PACS1: variants seen among roughly 807,000 people sequenced by gnomAD.
PACS1 encodes the protein phosphofurin acidic cluster sorting protein 1.
A neutral mutation model predicts 115.0 loss-of-function variants in PACS1; 24 were observed. The ratio of observed to expected loss-of-function variants is 0.21; its 90% CI spans 0.15 to 0.29. The LOEUF (loss-of-function observed/expected upper bound fraction) is 0.29, where lower values mean the gene tolerates loss of function less well. Ranked by LOEUF, PACS1 falls within the 10% of genes least tolerant of loss-of-function variation. The pLI, the probability that PACS1 is intolerant of heterozygous loss-of-function variation, is 1.00. For synonymous variants in PACS1, 453 were observed against 504.5 expected (o/e 0.90, Z 1.37); for missense variants, 838 against 1,251.2 (o/e 0.67, Z 4.98).
rs550945126 is a variant in PACS1, at chr11:66,201,837, T to C, written c.444+8264T>C. Among the ~76,000 whole-genome samples the C allele has an allele frequency of 3.4e-3, 514 of 152,132 alleles. 4 individuals carry two copies. The highest frequency in any genetic ancestry group is 0.011 in the African/African-American group (464 of 41,512). ...ACCATCGCGGCTAATTTTTGTATTT[T>C]TAGTAGAGACGAGGTTTCACCTTAT... On this transcript the variant is annotated intron_variant, in intron 2 of 23. Transcript: ENST00000320580.
chr11:66,108,031 T>A lies in PACS1; in HGVS notation c.356+37189T>A, dbSNP rs1858091241. Among the ~76,000 whole-genome samples the A allele has an allele frequency of 2.6e-5, 4 of 152,204 alleles. No individual in the cohort carries two copies. In the South Asian group the frequency reaches 8.3e-4, roughly 31 times the overall value. On this transcript the variant is annotated intron_variant, in intron 1 of 23. Coordinates refer to ENST00000320580, the MANE Select transcript of PACS1 (RefSeq NM_018026.4). ...GCTCCCTTTTGTACATCATGACAGC[T>A]GCCAACAAGGCCAAGAGAACCCAGC...
intron 1 of PACS1, among the ~76,000 whole-genome samples, chr11:66,125,791 G>A (rs997226719): frequency 7.9e-5 from 12 of 152,188 alleles, no homozygotes; most frequent in Non-Finnish European, 5.9e-5. Context: ...TGTAATCCCA[G>A]CACTTTGGGA....
At chr11:66,100,976 C>T in intron 1 of PACS1, 2 of 452,176 alleles carry the variant, frequency 4.4e-6, no homozygotes, top group Non-Finnish European at 8.9e-6. Flanking sequence ...CACATGGCCT[C>T]ATTTCTACTG....
chr11:66,167,872 C>T (rs1435752047), intron 1 of PACS1, among the ~76,000 whole-genome samples: 2 of 150,154 alleles, frequency 1.3e-5, no homozygotes, highest in African/African-American at 5.1e-5. Context: ...TCACTAATAC[C>T]ATAGTGCTTC....
intron 1 of PACS1, among the ~76,000 whole-genome samples, chr11:66,184,425 A>G (rs1190120013): frequency 2.0e-5 from 3 of 151,994 alleles, no homozygotes; most frequent in Non-Finnish European, 2.9e-5. Context: ...CAGCTGTTAA[A>G]TGCAAGTTGA....
At chr11:66,227,713 C>T (rs779611481) in intron 11 of PACS1, 129 bp downstream of exon 11, 2 of 586,018 alleles carry the variant, frequency 3.4e-6, no homozygotes, top group Admixed American at 6.8e-5. Flanking sequence ...GAATGTCCTG[C>T]ACTCTCTTTC....
intron 1 of PACS1, among the ~76,000 whole-genome samples, chr11:66,111,121 A>G (rs112688845): frequency 0.024 from 3,694 of 152,294 alleles, 168 homozygotes; most frequent in African/African-American, 0.084. Flanking sequence ...GCTGTGTGGT[A>G]TGGCCTGTTG....
At chr11:66,120,516 A>G in intron 1 of PACS1, among the ~76,000 whole-genome samples, 1 of 152,230 alleles carries the variant, frequency 6.6e-6, no homozygotes, top group Non-Finnish European at 1.5e-5. Context: ...TACTAGAATC[A>G]ACATTATTTG....
At chr11:66,182,043 C>G (rs1206101958) in intron 1 of PACS1, among the ~76,000 whole-genome samples, 6 of 152,216 alleles carry the variant, frequency 3.9e-5, no homozygotes, top group African/African-American at 1.4e-4. Flanking sequence ...ACATTTAAGT[C>G]TCTTCTGCAA....
At chr11:66,117,111 G>T (rs1479246109) in intron 1 of PACS1, among the ~76,000 whole-genome samples, 3 of 151,928 alleles carry the variant, frequency 2.0e-5, no homozygotes, top group African/African-American at 4.8e-5. Flanking sequence ...TTAAAGCATT[G>T]CTCTGAGAAG....
At chr11:66,216,056 T>C in intron 4 of PACS1, 63 bp from the exon 5 acceptor site, 1 of 1,569,566 alleles carries the variant, frequency 6.4e-7, no homozygotes, top group Non-Finnish European at 8.7e-7. Flanking sequence ...TGTGCATTCC[T>C]TGGCTGTGTT....
chr11:66,232,040 C>T (rs1565157134), intron 13 of PACS1, 132 bp from the exon 14 acceptor site: 1 of 616,976 alleles, frequency 1.6e-6, no homozygotes, highest in Non-Finnish European at 2.9e-6. Context: ...ACTGAGTCTC[C>T]CTCCCAAAGT....
At chr11:66,229,935 C>G (rs559759694) in intron 11 of PACS1, among the ~76,000 whole-genome samples, 77 of 144,574 alleles carry the variant, frequency 5.3e-4, no homozygotes, top group African/African-American at 1.9e-3. Flanking sequence ...CCAACCTAGG[C>G]AATAAGAGCG....
intron 1 of PACS1, among the ~76,000 whole-genome samples, chr11:66,179,020 G>A (rs187313370): frequency 2.6e-5 from 4 of 152,130 alleles, no homozygotes; most frequent in African/African-American, 9.7e-5. Context: ...CAAAGTGAAT[G>A]AATGTATTAA....
At chr11:66,124,532 C>G (rs1268247852) in intron 1 of PACS1, among the ~76,000 whole-genome samples, 1 of 152,184 alleles carries the variant, frequency 6.6e-6, no homozygotes, top group African/African-American at 2.4e-5. Context: ...TATTGAATGG[C>G]TAAATGTATG....
At chr11:66,220,251 C>T (rs1018605485) in intron 8 of PACS1, 7 of 281,178 alleles carry the variant, frequency 2.5e-5, no homozygotes, top group South Asian at 1.5e-4. Context: ...GGGAGGGGCC[C>T]GTTTCCACAG....
In PACS1 at chr11:66,221,136, C is replaced by T. The variant is rs1395040114; in HGVS notation, c.1200-18C>T. ...TGAGCCCTGGCAGCACTGACCCTGG[C>T]TGTGCTCTTCACCACAGGCCTTTCT... is the stretch of plus-strand genomic sequence containing the variant. On this transcript the variant is annotated intron_variant, in intron 9 of 23. Transcript: ENST00000320580. The T allele has an allele frequency of 5.6e-6, 9 of 1,610,070 alleles. No individual in the cohort carries two copies. Among genetic ancestry groups the T allele is most frequent in the Non-Finnish European group, 3.4e-6 (4 of 1,176,358 alleles).
intron 1 of PACS1, among the ~76,000 whole-genome samples, chr11:66,101,118 A>T (rs955969668): frequency 1.3e-5 from 2 of 152,258 alleles, no homozygotes; most frequent in African/African-American, 4.8e-5. Flanking sequence ...GAATTTAAAA[A>T]TATACTATTT....
At chr11:66,151,293 A>G (rs973579271) in intron 1 of PACS1, among the ~76,000 whole-genome samples, 1 of 152,024 alleles carries the variant, frequency 6.6e-6, no homozygotes, top group South Asian at 2.1e-4. Flanking sequence ...GTATATCCCT[A>G]AACTGTGAGC....
Sources: gnomAD v4.1 joint callset for allele counts (sites outside exome capture counted in the v4.1 genomes callset) on GRCh38, gnomAD v4.1.1 for gene constraint, MANE v1.5 for transcripts, NCBI Gene and HGNC (gene_info 2026-07-23, HGNC 2026-07-21) for gene names.